The following FAF1 variants were observed in gnomAD, a reference collection of about 807,000 sequenced individuals.
FAF1 encodes FAS-associated factor 1.
Under a neutral mutation model 92.5 loss-of-function variants are expected in FAF1, and 25 were observed. The observed-to-expected ratio is 0.27, with a 90% CI of 0.20 to 0.38. The LOEUF is 0.38. Ranked by LOEUF, FAF1 falls within the 10% of genes least tolerant of loss-of-function variation. FAF1 has a pLI of 1.00. For synonymous variants in FAF1, 234 were observed against 273.2 expected, an observed-to-expected ratio of 0.86 and a Z score of 1.42; for missense variants, 636 against 793.3, an observed-to-expected ratio of 0.80 and a Z score of 2.38.
intron 6 of FAF1, among the ~76,000 whole-genome samples, chr1:50,716,754 A>G (rs1018460993): frequency 6.6e-6 from 1 of 152,222 alleles, no homozygotes; most frequent in Non-Finnish European, 1.5e-5. Flanking sequence ...AAAGGACTGT[A>G]AATGCACCAA....
At chr1:50,543,494 C>G (rs1648853698) in intron 13 of FAF1, among the ~76,000 whole-genome samples, 1 of 152,104 alleles carries the variant, frequency 6.6e-6, no homozygotes, top group African/African-American at 2.4e-5. Context: ...TAACACTTAC[C>G]TTTAAAACAC....
At chr1:50,810,932 C>A (rs958558190) in intron 2 of FAF1, among the ~76,000 whole-genome samples, 3 of 152,106 alleles carry the variant, frequency 2.0e-5, no homozygotes, top group Non-Finnish European at 2.9e-5. Context: ...GTGGTCCCAG[C>A]CATTCAGGAG....
At chr1:50,744,181 T>A (rs945196064) in intron 5 of FAF1, among the ~76,000 whole-genome samples, 2 of 152,202 alleles carry the variant, frequency 1.3e-5, no homozygotes, top group Admixed American at 6.5e-5. Context: ...AAAATATAAT[T>A]CATTCCATGC....
At chr1:50,670,740 T>C (rs1374693282) in intron 7 of FAF1, among the ~76,000 whole-genome samples, 1 of 152,072 alleles carries the variant, frequency 6.6e-6, no homozygotes, top group Non-Finnish European at 1.5e-5. Context: ...CAGACCAGCC[T>C]GGGCAACATG....
intron 1 of FAF1, among the ~76,000 whole-genome samples, chr1:50,936,140 T>C (rs1356059173): frequency 2.0e-5 from 3 of 152,200 alleles, no homozygotes; most frequent in Non-Finnish European, 2.9e-5. Context: ...CAATTTAATA[T>C]TCAGTGAGAA....
intron 8 of FAF1, among the ~76,000 whole-genome samples, chr1:50,648,919 T>A (rs1654721149): frequency 6.6e-6 from 1 of 151,908 alleles, no homozygotes; most frequent in Non-Finnish European, 1.5e-5. Flanking sequence ...AGAGCGAAAC[T>A]CCATCTCAAA....
At chr1:50,539,527 G>C (rs1036002521) in intron 14 of FAF1, 65 bp downstream of exon 14, 301 of 1,135,560 alleles carry the variant, frequency 2.7e-4, no homozygotes, top group Non-Finnish European at 1.8e-4. Flanking sequence ...GTCAGCTTGG[G>C]TGGAAAAACT....
intron 7 of FAF1, among the ~76,000 whole-genome samples, chr1:50,661,365 G>A (rs936224146): frequency 6.6e-6 from 1 of 151,956 alleles, no homozygotes; most frequent in African/African-American, 2.4e-5. Context: ...TTTGAAATCT[G>A]GCCCACGATT....
chr1:50,897,746 T>C (rs1448450726), intron 1 of FAF1, among the ~76,000 whole-genome samples: 1 of 152,222 alleles, frequency 6.6e-6, no homozygotes, highest in African/African-American at 2.4e-5. Context: ...TGCTAACATA[T>C]ATTTTCCATT....
intron 13 of FAF1, among the ~76,000 whole-genome samples, chr1:50,542,350 T>A (rs1410548798): frequency 6.6e-6 from 1 of 152,166 alleles, no homozygotes; most frequent in Admixed American, 6.5e-5. Flanking sequence ...AGATGTCAAA[T>A]CTTTCTCATG....
intron 6 of FAF1, among the ~76,000 whole-genome samples, chr1:50,731,445 C>G (rs1450323154): frequency 6.6e-6 from 1 of 150,658 alleles, no homozygotes; most frequent in Non-Finnish European, 1.5e-5. Context: ...TCTTGGCTCA[C>G]TGCAAGCTCT....
intron 2 of FAF1, among the ~76,000 whole-genome samples, chr1:50,812,307 G>C (rs1296559821): frequency 6.6e-6 from 1 of 151,914 alleles, no homozygotes; most frequent in African/African-American, 2.4e-5. Context: ...CCTACAGAAT[G>C]GGAGAAGATA....
intron 6 of FAF1, among the ~76,000 whole-genome samples, chr1:50,730,982 T>TA (rs1485079076): frequency 6.6e-6 from 1 of 152,238 alleles, no homozygotes; most frequent in Non-Finnish European, 1.5e-5. Context: ...TATTGTGTTA[T>TA]ATTGAATTTG....
chr1:50,776,032 A>G (rs1174534818), intron 4 of FAF1, among the ~76,000 whole-genome samples: 2 of 152,188 alleles, frequency 1.3e-5, no homozygotes, highest in Non-Finnish European at 2.9e-5. Flanking sequence ...ATATCATATA[A>G]TAACAATATC....
intron 1 of FAF1, among the ~76,000 whole-genome samples, chr1:50,898,365 C>G (rs527570597): frequency 6.6e-6 from 1 of 152,170 alleles, no homozygotes; most frequent in East Asian, 1.9e-4. Context: ...TACTATGCAG[C>G]TATAAAAGAA....
chr1:50,599,728 T>C (rs1221856732), intron 8 of FAF1, among the ~76,000 whole-genome samples: 1 of 152,220 alleles, frequency 6.6e-6, no homozygotes, highest in Non-Finnish European at 1.5e-5. Flanking sequence ...CATGTGTGTT[T>C]CAGTTATATG....
chr1:50,648,084 C>T (rs1282833873), intron 8 of FAF1, among the ~76,000 whole-genome samples: 4 of 152,022 alleles, frequency 2.6e-5, no homozygotes, highest in Non-Finnish European at 5.9e-5. Context: ...CATAGTGAAA[C>T]CCCGTCTCTA....
intron 18 of FAF1, among the ~76,000 whole-genome samples, chr1:50,467,022 G>T (rs192098338): frequency 6.6e-6 from 1 of 152,172 alleles, no homozygotes; most frequent in Admixed American, 6.5e-5. Context: ...GGGATCTATT[G>T]CCCCTTTTGC....
At chr1:50,684,598 A>G (rs912508671) in intron 7 of FAF1, among the ~76,000 whole-genome samples, 25 of 152,270 alleles carry the variant, frequency 1.6e-4, no homozygotes, top group Non-Finnish European at 7.4e-5. Context: ...AGAGTTTGCC[A>G]ATCTCCATGA....
Sources: gnomAD v4.1 joint callset for allele counts (sites outside exome capture counted in the v4.1 genomes callset) on GRCh38, gnomAD v4.1.1 for gene constraint, MANE v1.5 for transcripts, NCBI Gene and HGNC (gene_info 2026-07-23, HGNC 2026-07-21) for gene names.